Variants in USH2A observed in about 807,000 individuals in gnomAD.
USH2A encodes Usher syndrome 2A (autosomal recessive, mild).
In USH2A, 443 loss-of-function variants were observed where a neutral mutation model predicts 538.9. The ratio of observed to expected loss-of-function variants is 0.82; its 90% confidence interval spans 0.76 to 0.89. The LOEUF (loss-of-function observed/expected upper bound fraction) is 0.89. Among genes scored for constraint, USH2A ranks in the 40% least tolerant of loss-of-function variants. The probability of loss-of-function intolerance (pLI) is 0.00; values close to 1 mark genes in which losing one functional copy is unlikely to be tolerated. For synonymous variants in USH2A, 2,413 were observed against 2,273.5 expected (o/e 1.06, Z -1.75); for missense variants, 6,633 against 6,324.8 (o/e 1.05, Z -1.65).
chr1:216,323,276 T>TTATATATATATATA (rs67957139), intron 8 of USH2A, among the ~76,000 whole-genome samples, 198 bp downstream of exon 8: 1 of 137,106 alleles, frequency 7.3e-6, no homozygotes, highest in African/African-American at 2.7e-5. Context: ...AAAATACGTT[T>TTATATATATATATA]TATATATATA....
chr1:216,088,962 G>A (rs1398636307), intron 23 of USH2A, 51 bp downstream of exon 23: 2 of 1,608,508 alleles, frequency 1.2e-6, no homozygotes, highest in South Asian at 1.1e-5. Context: ...GAAAAGTATG[G>A]CAACACCAAC....
chr1:215,936,487 C>T (rs1168353930), intron 37 of USH2A, among the ~76,000 whole-genome samples: 2 of 152,054 alleles, frequency 1.3e-5, no homozygotes, highest in African/African-American at 2.4e-5. Context: ...TCTGGTTCTT[C>T]ATCTGTGAAC....
intron 27 of USH2A, among the ~76,000 whole-genome samples, chr1:216,075,113 G>C (rs2031703581): frequency 6.6e-6 from 1 of 152,024 alleles, no homozygotes; most frequent in Non-Finnish European, 1.5e-5. Context: ...GAAAGCCCAG[G>C]GAGATACATC....
chr1:216,291,841 G>C (rs186626616), intron 10 of USH2A, among the ~76,000 whole-genome samples: 1 of 152,258 alleles, frequency 6.6e-6, no homozygotes, highest in Non-Finnish European at 1.5e-5. Context: ...TTACTTTAAG[G>C]ATATGTGTTC....
At chr1:215,805,465 G>A (rs148290674) in intron 49 of USH2A, among the ~76,000 whole-genome samples, 1 of 152,030 alleles carries the variant, frequency 6.6e-6, no homozygotes. Context: ...AATGGAAACA[G>A]AGTCTGAGCT....
chr1:216,097,036 A>T, intron 22 of USH2A, 47 bp downstream of exon 22: 1 of 1,541,452 alleles, frequency 6.5e-7, no homozygotes, highest in Middle Eastern at 1.7e-4. Context: ...AGTACCAGGC[A>T]CCTACTAAAT....
chr1:216,336,381 T>C (rs563439536), intron 4 of USH2A, among the ~76,000 whole-genome samples: 209 of 151,272 alleles, frequency 1.4e-3, no homozygotes, highest in African/African-American at 4.9e-3. Flanking sequence ...CTAGTCAACA[T>C]TTTTCTGTAG....
At chr1:215,905,233 A>G (rs1332579874) in intron 38 of USH2A, among the ~76,000 whole-genome samples, 1 of 152,072 alleles carries the variant, frequency 6.6e-6, no homozygotes, top group Non-Finnish European at 1.5e-5. Context: ...AAATGAATTC[A>G]CTGTGCTTTC....
intron 46 of USH2A, among the ~76,000 whole-genome samples, chr1:215,841,331 T>C (rs1663670300): frequency 6.6e-6 from 1 of 152,128 alleles, no homozygotes; most frequent in African/African-American, 2.4e-5. Context: ...AGCATGGTAC[T>C]GGTACAAAAA....
chr1:216,033,697 C>G (rs1669179933), intron 32 of USH2A, among the ~76,000 whole-genome samples: 1 of 151,984 alleles, frequency 6.6e-6, no homozygotes, highest in South Asian at 2.1e-4. Flanking sequence ...CAAAAATTAG[C>G]CAGGTGTAGT....
At chr1:215,692,071 G>A (rs1465689131) in intron 61 of USH2A, among the ~76,000 whole-genome samples, 3 of 152,248 alleles carry the variant, frequency 2.0e-5, no homozygotes, top group South Asian at 2.1e-4. Context: ...AGAGAAGAGG[G>A]TATTTTTTAA....
intron 61 of USH2A, among the ~76,000 whole-genome samples, chr1:215,685,022 T>C (rs1658368709): frequency 6.6e-6 from 1 of 152,128 alleles, no homozygotes; most frequent in South Asian, 2.1e-4. Context: ...TAAGGAATGA[T>C]TATACCTGAG....
At chr1:216,369,880 G>A (rs2014554) in intron 3 of USH2A, among the ~76,000 whole-genome samples, 92,570 of 146,480 alleles carry the variant, frequency 0.63, 29,568 homozygotes, top group East Asian at 0.81. Flanking sequence ...CCAAGATGGC[G>A]CCATTGCACT....
chr1:215,723,647 G>C (rs912738197), intron 61 of USH2A, among the ~76,000 whole-genome samples: 2 of 152,206 alleles, frequency 1.3e-5, no homozygotes, highest in African/African-American at 4.8e-5. Flanking sequence ...TAATGGAGAA[G>C]GTTCTGTAGT....
chr1:216,292,168 T>C lies in USH2A; in HGVS notation c.1840+7A>G, dbSNP rs1313218788. On this transcript the variant is annotated splice_region_variant and intron_variant, in intron 10 of 71. Coordinates refer to ENST00000307340, the MANE Select transcript of USH2A (RefSeq NM_206933.4). Reference sequence around the variant, plus strand: ...CAAACCAACTCAGGAATTTATTTGCTACTTACCTGTAGTGTTATGCTCACA... The same window carrying C: ...CAAACCAACTCAGGAATTTATTTGCCACTTACCTGTAGTGTTATGCTCACA... The C allele has an allele frequency of 1.2e-6, 2 of 1,613,898 alleles. No homozygotes were observed. Among genetic ancestry groups the C allele is most frequent in the Non-Finnish European group, 1.7e-6 (2 of 1,179,920 alleles).
intron 58 of USH2A, among the ~76,000 whole-genome samples, chr1:215,750,248 G>C (rs749376049): frequency 6.6e-6 from 1 of 152,004 alleles, no homozygotes; most frequent in Non-Finnish European, 1.5e-5. Context: ...GAAGTAAAAC[G>C]GGACCCTCTT....
rs533798626 is a variant in USH2A at position 215,709,781 on chromosome 1, G to A, written c.12066+18249C>T. 1.1e-3 allele frequency among the ~76,000 whole-genome samples: 173 copies of A among 152,040 alleles called. 1 individual carries two copies. Among genetic ancestry groups the A allele is most frequent in the Non-Finnish European group, 1.4e-3 (96 of 68,010 alleles). ...TTGAAGAATGTAGTTGGAGACAAAAGCCCTATAAAATGTGTATGTCACAAA... is the reference window on the plus strand; with the variant it reads ...TTGAAGAATGTAGTTGGAGACAAAAACCCTATAAAATGTGTATGTCACAAA... On this transcript the variant is annotated intron_variant, in intron 61 of 71. Transcript: ENST00000307340.
At chr1:216,157,552 C>A (rs1269419473) in intron 21 of USH2A, among the ~76,000 whole-genome samples, 1 of 152,106 alleles carries the variant, frequency 6.6e-6, no homozygotes, top group African/African-American at 2.4e-5. Flanking sequence ...ATAGCAAAGA[C>A]ACAGAATCAA....
At chr1:216,049,152 C>T (rs1281735382) in intron 30 of USH2A, among the ~76,000 whole-genome samples, 1 of 152,198 alleles carries the variant, frequency 6.6e-6, no homozygotes, top group Non-Finnish European at 1.5e-5. Flanking sequence ...GTAGGCGATA[C>T]ATATACAAAC....
Sources: allele counts gnomAD v4.1 joint callset (sites outside exome capture counted in the v4.1 genomes callset), GRCh38; gene constraint gnomAD v4.1.1; transcripts MANE v1.5; gene names NCBI Gene and HGNC (gene_info 2026-07-23, HGNC 2026-07-21).